The following ZPLD1 variants were observed in gnomAD, a reference collection of about 807,000 sequenced individuals.
The protein encoded by ZPLD1 is zona pellucida like domain containing 1.
ZPLD1 carries 34 observed loss-of-function variants against 47.2 expected under a neutral mutation model. The observed-to-expected ratio is 0.72, with a 90% confidence interval of 0.55 to 0.96. ZPLD1 has a LOEUF of 0.96. Ranked by LOEUF, ZPLD1 falls within the 40% of genes least tolerant of loss-of-function variation. ZPLD1 has a pLI of 0.00. For missense variants in ZPLD1, 512 were observed against 505.8 expected, an observed-to-expected ratio of 1.01 and a Z score of -0.12; for synonymous variants, 176 against 186.2, an observed-to-expected ratio of 0.95 and a Z score of 0.45.
At chr3:102,421,190 G>C (rs542520648) in intron 8 of ZPLD1, among the ~76,000 whole-genome samples, 33 of 151,986 alleles carry the variant, frequency 2.2e-4, no homozygotes, top group African/African-American at 7.9e-4. Flanking sequence ...GTGCTTATCT[G>C]AGAAAAGCCA....
chr3:102,414,531 T>A (rs978512400), intron 7 of ZPLD1, among the ~76,000 whole-genome samples: 2 of 151,868 alleles, frequency 1.3e-5, no homozygotes, highest in African/African-American at 4.8e-5. Flanking sequence ...TAAGTAAGCT[T>A]AAGTAATCCA....
At chr3:102,426,690 G>C (rs1449077705) in intron 8 of ZPLD1, among the ~76,000 whole-genome samples, 1 of 151,992 alleles carries the variant, frequency 6.6e-6, no homozygotes, top group Non-Finnish European at 1.5e-5. Flanking sequence ...AAATGTAAGG[G>C]CTTAAATTTT....
intron 2 of ZPLD1, among the ~76,000 whole-genome samples, chr3:102,437,249 AAAGG>A (rs1432610389): frequency 6.6e-6 from 1 of 152,204 alleles, no homozygotes; most frequent in Admixed American, 6.5e-5. Flanking sequence ...TGATAGTGCC[AAAGG>A]AAGGAAGTTC....
At chr3:102,438,670 A>G in intron 3 of ZPLD1, 77 bp downstream of exon 3, 3 of 1,114,210 alleles carry the variant, frequency 2.7e-6, no homozygotes, top group South Asian at 2.8e-5. Flanking sequence ...ATTTAAATAT[A>G]TATGGAGAAC....
chr3:102,459,089 C>CAA (rs767071660), intron 6 of ZPLD1, among the ~76,000 whole-genome samples: 1,388 of 25,840 alleles, frequency 0.054, 264 homozygotes, highest in African/African-American at 0.059. Flanking sequence ...GACTCCGTCT[C>CAA]AAAAAAAAAA....
intron 3 of ZPLD1, among the ~76,000 whole-genome samples, chr3:102,447,947 C>T (rs1316207469): frequency 6.6e-6 from 1 of 151,910 alleles, no homozygotes; most frequent in African/African-American, 2.4e-5. Flanking sequence ...ATATAGTAAC[C>T]ACATTCTATG....
chr3:102,392,524 C>T (rs1182245138), intron 7 of ZPLD1, among the ~76,000 whole-genome samples: 1 of 149,902 alleles, frequency 6.7e-6, no homozygotes, highest in Non-Finnish European at 1.5e-5. Context: ...TCCTTCCTTC[C>T]TTCCTTCCTT....
Position 102,457,781 on chromosome 3 carries a change from G to A in ZPLD1, c.510G>A (p.Ser170=), listed in dbSNP as rs776996209. The change falls in exon 6 of 12, where the codon TCG becomes TCA. Residue 170 remains serine (S), a splice_region_variant and synonymous_variant. Transcript: ENST00000466937. Reference sequence around the variant, plus strand: ...TTTCCTTTTTCTAAATGTGTTTTAGGTCCTCAGCGGCTATTTCTGTGAGAG... The same window carrying A: ...TTTCCTTTTTCTAAATGTGTTTTAGATCCTCAGCGGCTATTTCTGTGAGAG... ...EYLVNNTQLA[S]SSAAISVREN... 1 of 1,613,614 alleles carries A rather than the reference G, an allele frequency of 6.2e-7. No homozygotes were observed. The highest frequency in any genetic ancestry group is 1.3e-5 in the African/African-American group (1 of 74,854).
chr3:102,469,256 T>G, intron 9 of ZPLD1, 121 bp downstream of exon 9: 3 of 1,054,458 alleles, frequency 2.8e-6, no homozygotes, highest in Non-Finnish European at 4.0e-6. Flanking sequence ...TAGTTTGAAG[T>G]AGGATTTATT....
At chr3:102,467,993 A>G (rs1016424061) in intron 8 of ZPLD1, among the ~76,000 whole-genome samples, 1 of 152,122 alleles carries the variant, frequency 6.6e-6, no homozygotes, top group Non-Finnish European at 1.5e-5. Flanking sequence ...ATGGCCAAGA[A>G]CACAACAGAA....
upstream of ZPLD1, among the ~76,000 whole-genome samples, chr3:102,433,217 C>A (rs1707038093): frequency 1.3e-5 from 2 of 152,134 alleles, no homozygotes; most frequent in South Asian, 4.1e-4. Context: ...AAGAAATTGC[C>A]AAATTTCCAT....
In ZPLD1 at chr3:102,452,903, T is replaced by C; in HGVS notation, c.107-16T>C. 2 of 1,609,820 alleles carry C rather than the reference T, an allele frequency of 1.2e-6. No homozygotes were observed. Among genetic ancestry groups the C allele is most frequent in the South Asian group, 1.1e-5 (1 of 90,696 alleles). On this transcript the variant is annotated splice_polypyrimidine_tract_variant and intron_variant, in intron 3 of 11. Coordinates refer to ENST00000466937, the MANE Select transcript of ZPLD1 (RefSeq NM_001329788.2). ...TTTTCTGACTTATGTTTGTTTTTTATATATTTTTATTTCAGCTGAAAGAGA... is the reference window on the plus strand; with the variant it reads ...TTTTCTGACTTATGTTTGTTTTTTACATATTTTTATTTCAGCTGAAAGAGA...
intron 3 of ZPLD1, among the ~76,000 whole-genome samples, chr3:102,451,502 A>G (rs2107334182): frequency 6.6e-6 from 1 of 152,326 alleles, no homozygotes; most frequent in East Asian, 1.9e-4. Context: ...AAAAAATGGT[A>G]AAGTCACTCT....
intron 2 of ZPLD1, among the ~76,000 whole-genome samples, 171 bp downstream of exon 2, chr3:102,437,144 G>A (rs188024763): frequency 2.0e-5 from 3 of 152,324 alleles, no homozygotes; most frequent in South Asian, 2.1e-4. Flanking sequence ...CCACTGGTGT[G>A]AGCCTTTTGC....
chr3:102,448,412 T>C (rs961788075), intron 3 of ZPLD1, among the ~76,000 whole-genome samples: 1 of 152,180 alleles, frequency 6.6e-6, no homozygotes, highest in Non-Finnish European at 1.5e-5. Context: ...AAAAACTCTC[T>C]CTCCTTTTGG....
At chr3:102,440,832 T>C (rs1252889760) in intron 3 of ZPLD1, among the ~76,000 whole-genome samples, 2 of 150,876 alleles carry the variant, frequency 1.3e-5, no homozygotes, top group Non-Finnish European at 1.5e-5. Flanking sequence ...CCTGGGACTA[T>C]AGAGGCCTGA....
intron 6 of ZPLD1, among the ~76,000 whole-genome samples, chr3:102,388,245 GGTTA>G (rs1706455343): frequency 2.0e-5 from 3 of 152,084 alleles, no homozygotes; most frequent in East Asian, 3.9e-4. Flanking sequence ...AACTACTGTA[GGTTA>G]GTTATTGGAC....
upstream of ZPLD1, chr3:102,434,924 C>G (rs1707063937): frequency 1.7e-6 from 1 of 578,582 alleles, no homozygotes; most frequent in Non-Finnish European, 3.1e-6. Flanking sequence ...CCTTTATAAC[C>G]AGATCAGAGC....
chr3:102,478,021 C>G lies in ZPLD1; in HGVS notation c.*403C>G, dbSNP rs1455074020. 6.5e-6 allele frequency: 1 copy of G among 153,964 alleles called. No homozygotes were observed. Among genetic ancestry groups the G allele is most frequent in the African/African-American group, 2.4e-5 (1 of 41,478 alleles). 9.5% of individuals were successfully genotyped at this position (153,964 alleles called of 1,614,324 possible). On this transcript the variant is annotated 3_prime_UTR_variant, in exon 12 of 12. Coordinates refer to ENST00000466937, the MANE Select transcript of ZPLD1 (RefSeq NM_001329788.2). Reference sequence around the variant, plus strand: ...GGCATTTAGATTTGCACACGTGGTCCTAGAATAAATGTTGCTTTTTGTTTT... The same window carrying G: ...GGCATTTAGATTTGCACACGTGGTCGTAGAATAAATGTTGCTTTTTGTTTT...
Sources: allele counts gnomAD v4.1 joint callset (sites outside exome capture counted in the v4.1 genomes callset), GRCh38; gene constraint gnomAD v4.1.1; transcripts MANE v1.5; gene names NCBI Gene and HGNC (gene_info 2026-07-23, HGNC 2026-07-21).